Variants in PHACTR3 observed in about 807,000 individuals in gnomAD.
The protein encoded by PHACTR3 is protein phosphatase 1, regulatory subunit 123.
Under a neutral mutation model 66.8 loss-of-function variants are expected in PHACTR3, and 16 were observed. That is an observed-to-expected ratio of 0.24 (90% CI 0.16 to 0.36). PHACTR3 has a LOEUF of 0.36. Among genes scored for constraint, PHACTR3 ranks in the 10% least tolerant of loss-of-function variants. The pLI is 1.00. For missense variants in PHACTR3, 647 were observed against 719.9 expected (o/e 0.90, Z 1.16); for synonymous variants, 323 against 292.1 (o/e 1.11, Z -1.08).
In PHACTR3 at chr20:59,635,149, T is replaced by TTCTTTCTTTTTCTTTCTTTCC. The variant is rs1555881160; in HGVS notation, c.118+30018_118+30019insCTTTCTTTTTCTTTCTTTCCT. Among the ~76,000 whole-genome samples the TTCTTTCTTTTTCTTTCTTTCC allele has an allele frequency of 1.8e-4, 11 of 60,410 alleles. No individual in the cohort carries two copies. The East Asian group carries it at 3.7e-3, about 20-fold the overall frequency. The allele number at this position is 60,410 out of a possible 152,430, so 39.6% of individuals were successfully genotyped here. On this transcript the variant is annotated intron_variant, in intron 1 of 12. Transcript: ENST00000371015. ...TTTCTTTCTTTCTTTCTTTCTTTCT[T>TTCTTTCTTTTTCTTTCTTTCC]TTTCTTTCTTTCTTTCTTTCCTTTC...
At chr20:59,678,163 G>C (rs559280882) in intron 1 of PHACTR3, among the ~76,000 whole-genome samples, 6 of 151,980 alleles carry the variant, frequency 3.9e-5, no homozygotes, top group South Asian at 4.2e-4. Context: ...TTTTTTTCCT[G>C]TATGTTTTGG....
intron 1 of PHACTR3, chr20:59,676,803 G>C: frequency 1.1e-6 from 1 of 876,896 alleles, no homozygotes; most frequent in Non-Finnish European, 1.4e-6. Flanking sequence ...GAGGCAGAGG[G>C]CAGGGACTCT....
intron 8 of PHACTR3, among the ~76,000 whole-genome samples, chr20:59,833,920 GA>G (rs1441174589): frequency 6.6e-6 from 1 of 152,160 alleles, no homozygotes; most frequent in Non-Finnish European, 1.5e-5. Flanking sequence ...CTTATGTGCA[GA>G]TAAGATAGTA....
intron 2 of PHACTR3, 133 bp from the exon 3 acceptor site, chr20:59,747,625 C>A: frequency 1.1e-6 from 1 of 949,602 alleles, no homozygotes; most frequent in Non-Finnish European, 1.6e-6. Flanking sequence ...GTGGACTAGG[C>A]CCCCTAACCC....
rs200253435 is a variant in PHACTR3, at chr20:59,767,365, G to T, written c.721G>T (p.Ala241Ser). The T allele has an allele frequency of 1.2e-6, 2 of 1,613,810 alleles. No individual in the cohort carries two copies. The change falls in exon 5 of 13, where the codon GCA becomes TCA. Residue 241 changes from alanine to serine, a missense_variant. Ala to Ser is a moderately conservative substitution (Grantham distance 99). Around this residue, in one of 2 missense-constraint regions of PHACTR3, gnomAD observed 577 missense variants for 571.1 expected, o/e 1.01. Coordinates refer to ENST00000371015, the MANE Select transcript of PHACTR3 (RefSeq NM_080672.5). ...PPLLPTPPPK[A>S]SSKTTKNVTG... ...ACTGCTGCCCACTCCGCCACCCAAGGCAAGCTCCAAAACCACAAAAAATGT... is the reference window on the plus strand; with the variant it reads ...ACTGCTGCCCACTCCGCCACCCAAGTCAAGCTCCAAAACCACAAAAAATGT...
Position 59,736,963 on chromosome 20 carries a change from T to G in PHACTR3, c.119-6144T>G, listed in dbSNP as rs1012011730. Among the ~76,000 whole-genome samples, 3 of 152,170 alleles carry G rather than the reference T, an allele frequency of 2.0e-5. No homozygotes were observed. The highest frequency in any genetic ancestry group is 4.4e-5 in the Non-Finnish European group (3 of 68,020). On this transcript the variant is annotated intron_variant, in intron 1 of 12. Transcript: ENST00000371015. This position sits in a 1 kb window ranked among gnomAD's most constrained non-coding sequence, Gnocchi z 4.6. Reference sequence around the variant, plus strand: ...ATGACAGTTGAGCCCCTTGAGGAGCTGCTTAGACTAAGGCATCTGTCCTGG... The same window carrying G: ...ATGACAGTTGAGCCCCTTGAGGAGCGGCTTAGACTAAGGCATCTGTCCTGG...
chr20:59,770,239 C>T (rs762750043), intron 5 of PHACTR3, among the ~76,000 whole-genome samples: 1 of 152,220 alleles, frequency 6.6e-6, no homozygotes, highest in African/African-American at 2.4e-5. Context: ...TCCATAGGGA[C>T]TGAATTGAGA....
intron 7 of PHACTR3, among the ~76,000 whole-genome samples, chr20:59,777,209 A>C (rs919991185): frequency 6.6e-6 from 1 of 152,160 alleles, no homozygotes; most frequent in African/African-American, 2.4e-5. Context: ...GTAGTATTGC[A>C]GGCAGGGCCC....
chr20:59,688,043 G>T (rs952305303), intron 1 of PHACTR3, among the ~76,000 whole-genome samples: 1 of 152,140 alleles, frequency 6.6e-6, no homozygotes, highest in Non-Finnish European at 1.5e-5. Context: ...CCCTTGACGG[G>T]CATGGGGTCT....
chr20:59,628,273 G>C (rs2034530461), intron 1 of PHACTR3: 1 of 152,378 alleles, frequency 6.6e-6, no homozygotes, highest in South Asian at 2.1e-4. Flanking sequence ...AGGGTCGCCT[G>C]TGTGCTGGGG....
chr20:59,760,664 C>G (rs1381244434), intron 4 of PHACTR3, among the ~76,000 whole-genome samples: 2 of 152,136 alleles, frequency 1.3e-5, no homozygotes, highest in African/African-American at 4.8e-5. Context: ...TTATAAATTA[C>G]TCAGTCTCAG....
At chr20:59,628,973 G>T (rs188971391) in intron 1 of PHACTR3, among the ~76,000 whole-genome samples, 1 of 152,206 alleles carries the variant, frequency 6.6e-6, no homozygotes, top group Non-Finnish European at 1.5e-5. Flanking sequence ...GGTGGACATT[G>T]GTACAGTGAG....
chr20:59,628,712 C>T, intron 1 of PHACTR3: 1 of 985,500 alleles, frequency 1.0e-6, no homozygotes, highest in Non-Finnish European at 1.2e-6. Flanking sequence ...GAAGATTCCC[C>T]ATAGTACCTA....
chr20:59,771,284 T>A (rs1302640007), intron 5 of PHACTR3, among the ~76,000 whole-genome samples: 1 of 152,152 alleles, frequency 6.6e-6, no homozygotes, highest in Non-Finnish European at 1.5e-5. Flanking sequence ...GGCTGGGGGA[T>A]GCTGCGTGTC....
intron 5 of PHACTR3, among the ~76,000 whole-genome samples, chr20:59,772,963 A>G (rs1251151089): frequency 6.6e-6 from 1 of 152,154 alleles, no homozygotes; most frequent in East Asian, 1.9e-4. Flanking sequence ...AGCTTCAGGA[A>G]GCTGAATTCA....
At chr20:59,779,327 G>A (rs1200300514) in intron 7 of PHACTR3, among the ~76,000 whole-genome samples, 6 of 152,216 alleles carry the variant, frequency 3.9e-5, no homozygotes, top group Non-Finnish European at 8.8e-5. Context: ...TTCAATATTG[G>A]TCATACAGAA....
intron 1 of PHACTR3, among the ~76,000 whole-genome samples, chr20:59,689,246 G>A (rs998066811): frequency 6.6e-6 from 1 of 152,224 alleles, no homozygotes. Flanking sequence ...TTGGTGGGGC[G>A]GCCTTGGAGG....
chr20:59,640,923 A>G (rs2035077692), intron 1 of PHACTR3, among the ~76,000 whole-genome samples: 1 of 152,134 alleles, frequency 6.6e-6, no homozygotes, highest in African/African-American at 2.4e-5. Flanking sequence ...CTCATAACCA[A>G]GTTTATGCCA....
In PHACTR3 at chr20:59,707,377, C is replaced by A. The variant is rs7271513; in HGVS notation, c.119-35730C>A. On this transcript the variant is annotated intron_variant, in intron 1 of 12. Coordinates refer to ENST00000371015, the MANE Select transcript of PHACTR3 (RefSeq NM_080672.5). ...GTGGGGCCTAGTGGCTTGGGGCCCT[C>A]CCCATGGTGATGAGTTCCTGACAGC... 5.4e-3 allele frequency among the ~76,000 whole-genome samples: 823 copies of A among 152,174 alleles called. 11 individuals carry two copies. The highest frequency in any genetic ancestry group is 0.019 in the African/African-American group (796 of 41,504).
Sources: allele counts gnomAD v4.1 joint callset (sites outside exome capture counted in the v4.1 genomes callset), GRCh38; gene constraint gnomAD v4.1.1; regional missense constraint gnomAD v4.1.1; non-coding constraint Gnocchi (gnomAD v3.1); transcripts MANE v1.5; gene names NCBI Gene and HGNC (gene_info 2026-07-23, HGNC 2026-07-21).